Variants in SCAF4 observed in about 807,000 individuals in gnomAD.
The protein encoded by SCAF4 is SR-related and CTD-associated factor 4.
In SCAF4, 25 loss-of-function variants were observed where a neutral mutation model predicts 129.8. That is an observed-to-expected ratio of 0.19 (90% confidence interval 0.14 to 0.27). The LOEUF (loss-of-function observed/expected upper bound fraction) is 0.27. Ranked by LOEUF, SCAF4 falls within the 10% of genes least tolerant of loss-of-function variation. The probability of loss-of-function intolerance (pLI) is 1.00; values close to 1 mark genes in which losing one functional copy is unlikely to be tolerated. For synonymous variants in SCAF4, 551 were observed against 497.7 expected (o/e 1.11, Z -1.43); for missense variants, 1,246 against 1,457.1 (o/e 0.86, Z 2.36).
Position 31,693,460 on chromosome 21 carries a change from T to C in SCAF4, c.1347A>G (p.Arg449=), listed in dbSNP as rs940007769. ...GAGACCTTCGAGATCTAGAACCAGA[T>C]CTAGATCGCCTCCTTTTTGGTGACC... is the stretch of plus-strand genomic sequence containing the variant. ...ASRSPKRRRS[R]SGSRSRRSRH... The change falls in exon 12 of 20, where the codon AGA becomes AGG. Residue 449 remains arginine (R), a synonymous_variant. Transcript: ENST00000286835. The C allele has an allele frequency of 1.3e-6, 2 of 1,511,516 alleles. No individual in the cohort carries two copies. The highest frequency in any genetic ancestry group is 1.8e-6 in the Non-Finnish European group (2 of 1,113,534). 93.6% of individuals were successfully genotyped at this position (1,511,516 alleles called of 1,614,324 possible).
chr21:31,689,320 C>CA (rs1200827070), intron 15 of SCAF4, among the ~76,000 whole-genome samples: 1 of 151,526 alleles, frequency 6.6e-6, no homozygotes, highest in Non-Finnish European at 1.5e-5. Flanking sequence ...TTTTTTGAGA[C>CA]AGAGTCTTGC....
intron 13 of SCAF4, chr21:31,692,131 T>C: frequency 1.7e-6 from 1 of 592,228 alleles, no homozygotes; most frequent in South Asian, 2.2e-5. Context: ...TACCTAGAAA[T>C]GTTTGAAATT....
intron 19 of SCAF4, chr21:31,684,752 T>C: frequency 2.6e-6 from 1 of 377,394 alleles, no homozygotes; most frequent in Admixed American, 4.1e-5. Context: ...AGATTACTTT[T>C]AATCATTTTT....
intron 1 of SCAF4, among the ~76,000 whole-genome samples, chr21:31,713,756 T>TGGGGGGGGGGGGGG (rs376619988): frequency 3.1e-5 from 3 of 96,820 alleles, no homozygotes; most frequent in African/African-American, 8.3e-5. Context: ...GGGGGTGGGG[T>TGGGGGGGGGGGGGG]GGGGGGGGCA....
At chr21:31,687,784 G>A (rs924449427) in intron 16 of SCAF4, among the ~76,000 whole-genome samples, 6 of 152,080 alleles carry the variant, frequency 3.9e-5, no homozygotes, top group Non-Finnish European at 8.8e-5. Flanking sequence ...ATGGATAGAT[G>A]TAAGACAATA....
Position 31,705,465 on chromosome 21 carries a change from A to C in SCAF4, c.117T>G (p.Leu39=). The change falls in exon 3 of 20, where the codon CTT becomes CTG. Residue 39 remains leucine, a splice_region_variant and synonymous_variant. Coordinates refer to ENST00000286835, the MANE Select transcript of SCAF4 (RefSeq NM_020706.2). The part of the protein sequence containing the change: ...ITKAAIKAIK[L]YKHVVQIVEK... ...CTACTATTTGAACTACATGCTTATA[A>C]AGCTGAAAAGAATTAAGAGAAAATT... 1 of 1,295,210 alleles carries C rather than the reference A, an allele frequency of 7.7e-7. No homozygotes were observed. Among genetic ancestry groups the C allele is most frequent in the South Asian group, 1.4e-5 (1 of 73,582 alleles). The allele number at this position is 1,295,210 out of a possible 1,614,324, so 80.2% of individuals were successfully genotyped here.
intron 19 of SCAF4, among the ~76,000 whole-genome samples, chr21:31,675,054 A>G (rs2049817124): frequency 6.6e-6 from 1 of 152,206 alleles, no homozygotes; most frequent in Non-Finnish European, 1.5e-5. Flanking sequence ...GAAGGACGTT[A>G]CTATCAAGAC....
At position 31,705,483 on chromosome 21, in the gene SCAF4, A is replaced by T; in HGVS notation, c.115-16T>A. The T allele has an allele frequency of 8.2e-7, 1 of 1,212,382 alleles. No individual in the cohort carries two copies. Among genetic ancestry groups the T allele is most frequent in the Non-Finnish European group, 1.2e-6 (1 of 862,016 alleles). The allele number at this position is 1,212,382 out of a possible 1,614,324, so 75.1% of individuals were successfully genotyped here. On this transcript the variant is annotated splice_polypyrimidine_tract_variant and intron_variant, in intron 2 of 19. Coordinates refer to ENST00000286835, the MANE Select transcript of SCAF4 (RefSeq NM_020706.2). ...GCTTATAAAGCTGAAAAGAATTAAG[A>T]GAAAATTACTGTTCAGTTTACTTAT...
intron 19 of SCAF4, chr21:31,683,961 C>CTGATA (rs1186306956): frequency 1.3e-5 from 2 of 153,428 alleles, no homozygotes; most frequent in Non-Finnish European, 2.9e-5. Context: ...TCAGCCTAAG[C>CTGATA]TTAGTCTAGG....
chr21:31,727,775 G>C (rs1170858596), intron 1 of SCAF4, among the ~76,000 whole-genome samples: 1 of 151,732 alleles, frequency 6.6e-6, no homozygotes, highest in Non-Finnish European at 1.5e-5. Context: ...TGGTGACAGA[G>C]CGGGTCTCCA....
chr21:31,705,667 C>T (rs915098558), intron 2 of SCAF4, among the ~76,000 whole-genome samples, 200 bp from the exon 3 acceptor site: 19 of 151,808 alleles, frequency 1.3e-4, no homozygotes, highest in South Asian at 2.1e-4. Context: ...ACAAAAATTC[C>T]CCAAACAGAA....
intron 19 of SCAF4, among the ~76,000 whole-genome samples, chr21:31,679,689 ACT>A (rs1467590905): frequency 2.6e-5 from 4 of 152,288 alleles, no homozygotes; most frequent in African/African-American, 9.6e-5. Flanking sequence ...CTGAGATGTG[ACT>A]CATCTATTTT....
At chr21:31,705,869 CTAAA>C (rs1274080673) in intron 2 of SCAF4, among the ~76,000 whole-genome samples, 6 of 152,080 alleles carry the variant, frequency 3.9e-5, no homozygotes, top group Non-Finnish European at 5.9e-5. Flanking sequence ...AAAAATGAAA[CTAAA>C]TAGTTGGTTT....
intron 1 of SCAF4, among the ~76,000 whole-genome samples, chr21:31,710,536 G>A (rs919129555): frequency 2.0e-5 from 3 of 152,106 alleles, no homozygotes; most frequent in South Asian, 2.1e-4. Flanking sequence ...GATACAGACC[G>A]AGACTCCGTC....
chr21:31,694,016 GATGA>G (rs961270120), intron 11 of SCAF4, among the ~76,000 whole-genome samples, 184 bp downstream of exon 11: 2 of 151,718 alleles, frequency 1.3e-5, no homozygotes, highest in African/African-American at 4.8e-5. Context: ...AAAAAAGTAA[GATGA>G]ATGATGTAGT....
In SCAF4 at chr21:31,688,376, T is replaced by C. The variant is rs754318004; in HGVS notation, c.1974A>G (p.Ile658Met). Residue 658 changes from isoleucine to methionine, a missense_variant, in exon 16 of 20, where the codon ATA becomes ATG. Physicochemically the swap from Ile to Met is conservative, Grantham distance 10 (BLOSUM62 1). Coordinates refer to ENST00000286835, the MANE Select transcript of SCAF4 (RefSeq NM_020706.2). ...GGACAGGCACAGGTAATGGTTTAGG[T>C]ATGGGTGATACTGGTTCTGTGTGTG... ...ETSHTEPVSP[I>M]PKPLPVPVPP... 2.1e-5 allele frequency: 34 copies of C among 1,613,684 alleles called. No individual in the cohort carries two copies. The highest frequency in any genetic ancestry group is 1.6e-4 in the Middle Eastern group (1 of 6,084).
chr21:31,690,899 C>T lies in SCAF4; in HGVS notation c.1783G>A (p.Val595Ile), dbSNP rs1436635960. 3 of 1,613,376 alleles carry T rather than the reference C, an allele frequency of 1.9e-6. No homozygotes were observed. The highest frequency in any genetic ancestry group is 2.2e-5 in the East Asian group (1 of 44,874). The change falls in exon 15 of 20, where the codon GTA (valine) becomes ATA (isoleucine). Residue 595 changes from valine (V) to isoleucine (I), a missense_variant. By Grantham distance (29) the Val-to-Ile change is conservative. This residue lies in a region of SCAF4 where 468 missense variants were observed against 605.5 expected (regional missense o/e 0.77). Coordinates refer to ENST00000286835, the MANE Select transcript of SCAF4 (RefSeq NM_020706.2). The part of the protein sequence containing the change: ...IKADYKQYWD[V>I]ELGVTYIPWD... ...GGAATATAAGTAACACCAAGTTCTA[C>T]ATCCCAATACTGCTTATAATCTGCC...
Position 31,672,241 on chromosome 21 carries a change from G to T in SCAF4, c.2602C>A (p.Pro868Thr). 6.2e-7 allele frequency: 1 copy of T among 1,612,910 alleles called. No homozygotes were observed. Among genetic ancestry groups the T allele is most frequent in the Non-Finnish European group, 8.5e-7 (1 of 1,179,474 alleles). ...PLQRPPGMPP[P>T]HLQRFPLMPP... Reference sequence around the variant, plus strand: ...ATCAAAGGGAACCGCTGTAAGTGAGGTGGGGGCATTCCTGGAGGGCGCTGG... The same window carrying T: ...ATCAAAGGGAACCGCTGTAAGTGAGTTGGGGGCATTCCTGGAGGGCGCTGG... The change falls in exon 20 of 20, where the codon CCT becomes ACT. Residue 868 changes from proline (P) to threonine (T), a missense_variant. Physicochemically the swap from Pro to Thr is conservative, Grantham distance 38 (BLOSUM62 -1). This residue lies in a region of SCAF4 where 468 missense variants were observed against 605.5 expected (regional missense o/e 0.77). Coordinates refer to ENST00000286835, the MANE Select transcript of SCAF4 (RefSeq NM_020706.2).
At chr21:31,724,250 T>C (rs1019380384) in intron 1 of SCAF4, among the ~76,000 whole-genome samples, 13 of 152,216 alleles carry the variant, frequency 8.5e-5, no homozygotes, top group Non-Finnish European at 1.6e-4. Context: ...CACAGAAATG[T>C]AGACATGTCT....
Sources: allele counts gnomAD v4.1 joint callset (sites outside exome capture counted in the v4.1 genomes callset), GRCh38; gene constraint gnomAD v4.1.1; regional missense constraint gnomAD v4.1.1; transcripts MANE v1.5; gene names NCBI Gene and HGNC (gene_info 2026-07-23, HGNC 2026-07-21).